SPMIP2: variants seen among roughly 807,000 people sequenced by gnomAD.
SPMIP2 encodes the protein protein SPMIP2.
chr4:159,077,289 G>C, the SPMIP2 span, among the ~76,000 whole-genome samples: 2 of 152,150 alleles, frequency 1.3e-5, no homozygotes, highest in South Asian at 4.2e-4. Context: ...TGGGATTACA[G>C]GTGCCTGCCA....
At chr4:158,903,757 G>C in the SPMIP2 span, among the ~76,000 whole-genome samples, 1 of 152,102 alleles carries the variant, frequency 6.6e-6, no homozygotes, top group African/African-American at 2.4e-5. Context: ...TTACTTTGAG[G>C]AATTCAAGGG....
At chr4:159,062,862 T>A in the SPMIP2 span, among the ~76,000 whole-genome samples, 1 of 151,464 alleles carries the variant, frequency 6.6e-6, no homozygotes, top group South Asian at 2.1e-4. Context: ...CTAATTTTTT[T>A]TTTTTTTTTT....
the SPMIP2 span, among the ~76,000 whole-genome samples, chr4:158,998,552 C>T: frequency 6.6e-6 from 1 of 152,090 alleles, no homozygotes; most frequent in Non-Finnish European, 1.5e-5. Context: ...ATCATTTCTG[C>T]CTTTGTGTTA....
At chr4:158,987,815 C>T in the SPMIP2 span, among the ~76,000 whole-genome samples, 1 of 151,666 alleles carries the variant, frequency 6.6e-6, no homozygotes, top group Non-Finnish European at 1.5e-5. Flanking sequence ...AATTGACACC[C>T]TAACATCACA....
At chr4:158,943,565 TACC>T in the SPMIP2 span, among the ~76,000 whole-genome samples, 1 of 152,190 alleles carries the variant, frequency 6.6e-6, no homozygotes, top group South Asian at 2.1e-4. Flanking sequence ...ATATATCTTT[TACC>T]ACCATTTTTT....
chr4:158,929,745 G>T, the SPMIP2 span, among the ~76,000 whole-genome samples: 1 of 152,018 alleles, frequency 6.6e-6, no homozygotes, highest in African/African-American at 2.4e-5. Flanking sequence ...TAAATTATAT[G>T]CCTATCAATA....
the SPMIP2 span, among the ~76,000 whole-genome samples, chr4:158,930,306 A>G: frequency 6.6e-6 from 1 of 151,662 alleles, no homozygotes; most frequent in South Asian, 2.1e-4. Flanking sequence ...CGACTTTCCA[A>G]GCTCAAGCAA....
chr4:159,018,120 G>A, the SPMIP2 span, among the ~76,000 whole-genome samples: 3 of 152,144 alleles, frequency 2.0e-5, no homozygotes, highest in Admixed American at 6.5e-5. Flanking sequence ...TTCAACATGG[G>A]GCTAAACATC....
the SPMIP2 span, among the ~76,000 whole-genome samples, chr4:158,969,971 C>T: frequency 5.8e-3 from 874 of 151,882 alleles, 10 homozygotes; most frequent in African/African-American, 0.02. Context: ...GGTCTATAGA[C>T]AGATAAGAAA....
At chr4:158,932,779 A>T in the SPMIP2 span, among the ~76,000 whole-genome samples, 1 of 152,216 alleles carries the variant, frequency 6.6e-6, no homozygotes, top group East Asian at 1.9e-4. Flanking sequence ...ATCTGTGTTC[A>T]ACTTCCAGTG....
At chr4:158,908,211 T>G in the SPMIP2 span, among the ~76,000 whole-genome samples, 1 of 152,182 alleles carries the variant, frequency 6.6e-6, no homozygotes, top group Non-Finnish European at 1.5e-5. Flanking sequence ...AATGCCAGGT[T>G]AGGGTTACTG....
chr4:159,066,432 C>T, the SPMIP2 span, among the ~76,000 whole-genome samples: 626 of 152,020 alleles, frequency 4.1e-3, 3 homozygotes, highest in Non-Finnish European at 6.9e-3. Context: ...AGACAGAGAG[C>T]TAAAACCAAC....
chr4:158,934,586 G>GTAT, the SPMIP2 span, among the ~76,000 whole-genome samples: 6 of 151,932 alleles, frequency 3.9e-5, no homozygotes, highest in South Asian at 2.1e-4. Flanking sequence ...CGTGTTAGCC[G>GTAT]TATTATTATT....
the SPMIP2 span, among the ~76,000 whole-genome samples, chr4:158,898,141 TG>T: frequency 6.6e-6 from 1 of 152,150 alleles, no homozygotes; most frequent in Non-Finnish European, 1.5e-5. Context: ...AAAGATCAGA[TG>T]GTTGTAGATG....
the SPMIP2 span, among the ~76,000 whole-genome samples, chr4:159,002,336 G>A: frequency 6.9e-6 from 1 of 144,040 alleles, no homozygotes; most frequent in Non-Finnish European, 1.5e-5. Context: ...CTTGTGAAGA[G>A]CAGAAGTTTT....
the SPMIP2 span, among the ~76,000 whole-genome samples, chr4:159,043,153 A>G: frequency 6.6e-6 from 1 of 152,048 alleles, no homozygotes; most frequent in Non-Finnish European, 1.5e-5. Flanking sequence ...TCCCCTATCC[A>G]GTTTACCAAA....
chr4:158,913,042 A>T, the SPMIP2 span, among the ~76,000 whole-genome samples: 1 of 152,226 alleles, frequency 6.6e-6, no homozygotes, highest in African/African-American at 2.4e-5. Flanking sequence ...TGAAAGATTC[A>T]GAACTGGCCT....
the SPMIP2 span, chr4:159,007,395 T>A: frequency 1.5e-6 from 1 of 673,482 alleles, no homozygotes; most frequent in African/African-American, 1.8e-5. Context: ...AAGAGTGGAT[T>A]TCTCCCTAGG....
the SPMIP2 span, among the ~76,000 whole-genome samples, chr4:159,047,311 A>T: frequency 6.6e-6 from 1 of 152,196 alleles, no homozygotes; most frequent in African/African-American, 2.4e-5. Context: ...AAAACCCCAT[A>T]CATATATACA....
Sources: allele counts gnomAD v4.1 joint callset (sites outside exome capture counted in the v4.1 genomes callset), GRCh38; gene constraint gnomAD v4.1.1; transcripts MANE v1.5; gene names NCBI Gene and HGNC (gene_info 2026-07-23, HGNC 2026-07-21).